Variants in CACNG3 observed in about 807,000 individuals in gnomAD.
The protein encoded by CACNG3 is voltage-dependent calcium channel gamma-3 subunit.
A neutral mutation model predicts 28.5 loss-of-function variants in CACNG3; 3 were observed. That is an observed-to-expected ratio of 0.11 (90% CI 0.05 to 0.27). The LOEUF (loss-of-function observed/expected upper bound fraction) is 0.27, where lower values mean the gene tolerates loss of function less well. Ranked by LOEUF, CACNG3 falls within the 10% of genes least tolerant of loss-of-function variation. CACNG3 has a pLI of 1.00. For missense variants in CACNG3, 236 were observed against 414.4 expected (o/e 0.57, Z 3.74); for synonymous variants, 174 against 162.2 (o/e 1.07, Z -0.55).
intron 1 of CACNG3, among the ~76,000 whole-genome samples, chr16:24,259,879 G>C (rs1045442621): frequency 6.6e-6 from 1 of 152,136 alleles, no homozygotes; most frequent in Non-Finnish European, 1.5e-5. Context: ...ATTCTCATGA[G>C]GAACTTTTAA....
At chr16:24,348,052 T>A (rs1899893414) in intron 2 of CACNG3, among the ~76,000 whole-genome samples, 1 of 152,064 alleles carries the variant, frequency 6.6e-6, no homozygotes, top group East Asian at 1.9e-4. Context: ...AGAGAGAACT[T>A]GATTTGGGAT....
intron 1 of CACNG3, among the ~76,000 whole-genome samples, chr16:24,296,792 G>C (rs1197548237): frequency 2.0e-5 from 3 of 152,170 alleles, no homozygotes; most frequent in Non-Finnish European, 4.4e-5. Context: ...GTCCCAAGAA[G>C]GTGATGCCCT....
intron 2 of CACNG3, among the ~76,000 whole-genome samples, chr16:24,350,801 A>C (rs1383313495): frequency 1.3e-5 from 2 of 152,230 alleles, no homozygotes; most frequent in African/African-American, 4.8e-5. Flanking sequence ...AGGTTAGTCC[A>C]CAAGTCCCTA....
intron 1 of CACNG3, 77 bp downstream of exon 1, chr16:24,257,042 T>A (rs542923082): frequency 5.5e-6 from 5 of 914,220 alleles, no homozygotes; most frequent in Non-Finnish European, 8.9e-6. Context: ...GAGATGGAAA[T>A]GGTGATAAGG....
At chr16:24,301,043 C>CA (rs71381659) in intron 1 of CACNG3, among the ~76,000 whole-genome samples, 44,419 of 104,512 alleles carry the variant, frequency 0.43, 9,299 homozygotes, top group African/African-American at 0.6. Context: ...GGCTCCATCT[C>CA]AAAAAAAAAA....
At position 24,327,094 on chromosome 16, in the gene CACNG3, T is replaced by C. The variant is rs548886772; in HGVS notation, c.212-19640T>C. 3.2e-4 allele frequency among the ~76,000 whole-genome samples: 37 copies of C among 114,252 alleles called. 1 individual carries two copies. The highest frequency in any genetic ancestry group is 1.2e-3 in the African/African-American group (35 of 28,162). The allele number at this position is 114,252 out of a possible 152,430, so 75.0% of individuals were successfully genotyped here. The stretch of plus-strand genomic sequence containing the variant: ...ATGCAGAGAGGTGGAGTCCTAAGTC[T>C]CTAAGGAGTGGCCAAGGCAGGGGCT... On this transcript the variant is annotated intron_variant, in intron 1 of 3. Coordinates refer to ENST00000005284, the MANE Select transcript of CACNG3 (RefSeq NM_006539.4).
Position 24,361,385 on chromosome 16 carries a change from T to C in CACNG3, c.470T>C (p.Ile157Thr). 6.2e-7 allele frequency: 1 copy of C among 1,610,630 alleles called. No individual in the cohort carries two copies. Among genetic ancestry groups the C allele is most frequent in the Non-Finnish European group, 8.5e-7 (1 of 1,178,696 alleles). ...AACATCATTGGCATCATAGTTTATA[T>C]ATCAGCCAACGCCGGAGACCCCGGG... ...LSNIIGIIVY[I>T]SANAGDPGQR... The change falls in exon 4 of 4, where the codon ATA (isoleucine) becomes ACA (threonine). Residue 157 changes from isoleucine (I) to threonine (T), a missense_variant. This residue lies in a region of CACNG3 where 120 missense variants were observed against 263.4 expected (regional missense o/e 0.46). Transcript: ENST00000005284. This position sits in a 1 kb window ranked among gnomAD's most constrained non-coding sequence, Gnocchi z 6.8.
At chr16:24,276,240 T>C (rs890517841) in intron 1 of CACNG3, among the ~76,000 whole-genome samples, 1 of 152,206 alleles carries the variant, frequency 6.6e-6, no homozygotes, top group African/African-American at 2.4e-5. Flanking sequence ...CTGGAAAATA[T>C]AGTTATTTTT....
At chr16:24,349,206 G>A (rs1473921845) in intron 2 of CACNG3, among the ~76,000 whole-genome samples, 2 of 151,834 alleles carry the variant, frequency 1.3e-5, no homozygotes, top group East Asian at 1.9e-4. Flanking sequence ...TCTGCATATC[G>A]ACTTTTCTGT....
intron 1 of CACNG3, among the ~76,000 whole-genome samples, chr16:24,300,418 A>AT (rs1899091441): frequency 1.3e-5 from 2 of 151,750 alleles, no homozygotes; most frequent in African/African-American, 2.4e-5. Flanking sequence ...ATGCAGGCCC[A>AT]TTGTTGCCAG....
At chr16:24,311,894 C>A (rs1305076976) in intron 1 of CACNG3, among the ~76,000 whole-genome samples, 1 of 152,168 alleles carries the variant, frequency 6.6e-6, no homozygotes, top group African/African-American at 2.4e-5. Flanking sequence ...TAAGTAAAGG[C>A]ACAAAGGAAA....
intron 1 of CACNG3, among the ~76,000 whole-genome samples, chr16:24,315,407 C>A (rs1008322036): frequency 6.6e-6 from 1 of 151,912 alleles, no homozygotes; most frequent in African/African-American, 2.4e-5. Flanking sequence ...CTCAACCTCA[C>A]CATCATCATC....
chr16:24,263,041 G>A (rs1898556024), intron 1 of CACNG3, among the ~76,000 whole-genome samples: 1 of 152,230 alleles, frequency 6.6e-6, no homozygotes. Context: ...CAGGGGAAAT[G>A]TAACTTTGAT....
At chr16:24,297,214 C>G (rs1357051178) in intron 1 of CACNG3, among the ~76,000 whole-genome samples, 1 of 149,542 alleles carries the variant, frequency 6.7e-6, no homozygotes, top group Non-Finnish European at 1.5e-5. Context: ...CACCACGGCA[C>G]TCTAGCCTGA....
intron 1 of CACNG3, among the ~76,000 whole-genome samples, chr16:24,331,666 G>A (rs1246037840): frequency 6.6e-6 from 1 of 152,212 alleles, no homozygotes; most frequent in Non-Finnish European, 1.5e-5. Context: ...ACCCTGGCCT[G>A]TAAGAAGCTC....
intron 1 of CACNG3, among the ~76,000 whole-genome samples, chr16:24,326,167 CTTTTTTCTTTTTTT>C (rs1567219558): frequency 3.2e-5 from 3 of 92,728 alleles, no homozygotes; most frequent in Non-Finnish European, 4.6e-5. Context: ...TTTGTTTTTT[CTTTTTTCTTTTTTT>C]TTTTTTTGAG....
chr16:24,320,546 C>T (rs755804867), intron 1 of CACNG3, among the ~76,000 whole-genome samples: 25 of 151,996 alleles, frequency 1.6e-4, no homozygotes, highest in Non-Finnish European at 2.5e-4. Context: ...AATGCTAATA[C>T]TAATATACCA....
At chr16:24,294,522 C>CTAGGTGGATGATGATG (rs1899004953) in intron 1 of CACNG3, among the ~76,000 whole-genome samples, 1 of 152,146 alleles carries the variant, frequency 6.6e-6, no homozygotes, top group East Asian at 1.9e-4. Context: ...TCCACAAAGT[C>CTAGGTGGATGATGATG]TAGGTGGATG....
At chr16:24,265,302 G>T (rs894698072) in intron 1 of CACNG3, among the ~76,000 whole-genome samples, 2 of 137,062 alleles carry the variant, frequency 1.5e-5, no homozygotes, top group Non-Finnish European at 3.1e-5. Context: ...AAGGAAGGAA[G>T]GAAAAAGAGA....
Sources: allele counts gnomAD v4.1 joint callset (sites outside exome capture counted in the v4.1 genomes callset), GRCh38; gene constraint gnomAD v4.1.1; regional missense constraint gnomAD v4.1.1; non-coding constraint Gnocchi (gnomAD v3.1); transcripts MANE v1.5; gene names NCBI Gene and HGNC (gene_info 2026-07-23, HGNC 2026-07-21).